SAMD12: variants seen among roughly 807,000 people sequenced by gnomAD.
SAMD12 encodes sterile alpha motif domain-containing protein 12.
SAMD12 carries 9 observed loss-of-function variants against 15.0 expected under a neutral mutation model. The ratio of observed to expected loss-of-function variants is 0.60; its 90% CI spans 0.36 to 1.05. The LOEUF (loss-of-function observed/expected upper bound fraction) is 1.05. Ranked by LOEUF, SAMD12 falls within the 50% of genes least tolerant of loss-of-function variation. The pLI, the probability that SAMD12 is intolerant of heterozygous loss-of-function variation, is 0.01. For missense variants in SAMD12, 230 were observed against 234.2 expected (o/e 0.98, Z 0.12); for synonymous variants, 86 against 90.1 (o/e 0.96, Z 0.25).
the SAMD12 span, among the ~76,000 whole-genome samples, chr8:118,154,827 T>A: frequency 6.6e-6 from 1 of 152,172 alleles, no homozygotes; most frequent in Admixed American, 6.5e-5. Flanking sequence ...TTGAGAGCAG[T>A]GACAGAAAAA....
At position 118,316,557 on chromosome 8, in the gene SAMD12, G is replaced by A. The variant is rs570160103; in HGVS notation, c.433+63003C>T. On this transcript the variant is annotated intron_variant, in intron 4 of 4. Transcript: ENST00000409003. ...CAAAACAAACAAACAAAAATTTGGA[G>A]CTTATGTTTAAGGAAGATTTATTTA... 5.3e-5 allele frequency among the ~76,000 whole-genome samples: 8 copies of A among 151,922 alleles called. No individual in the cohort carries two copies. In the South Asian group the frequency reaches 1.5e-3, roughly 28 times the overall value.
chr8:118,322,886 A>T (rs909051967), intron 4 of SAMD12, among the ~76,000 whole-genome samples: 13 of 139,274 alleles, frequency 9.3e-5, no homozygotes, highest in Non-Finnish European at 1.2e-4. Context: ...AAAAAAATTT[A>T]AAAATATTTG....
intron 2 of SAMD12, among the ~76,000 whole-genome samples, chr8:118,542,613 G>A (rs537863200): frequency 6.6e-6 from 1 of 152,100 alleles, no homozygotes; most frequent in Non-Finnish European, 1.5e-5. Context: ...AGAAACTAGA[G>A]AACAAGGAAA....
chr8:118,603,162 T>A (rs1586850092), intron 1 of SAMD12, among the ~76,000 whole-genome samples: 1 of 152,008 alleles, frequency 6.6e-6, no homozygotes, highest in Admixed American at 6.6e-5. Flanking sequence ...CAATTTATCA[T>A]CTCAAAAATA....
intron 4 of SAMD12, among the ~76,000 whole-genome samples, chr8:118,260,480 A>C (rs1813051594): frequency 6.6e-6 from 1 of 152,100 alleles, no homozygotes; most frequent in Non-Finnish European, 1.5e-5. Context: ...CATTGCACCA[A>C]GTATAGAGTA....
chr8:118,280,056 T>G (rs1813576097), intron 4 of SAMD12, among the ~76,000 whole-genome samples: 1 of 152,104 alleles, frequency 6.6e-6, no homozygotes. Context: ...CTGGCAATTG[T>G]GAGCTTTTGG....
At chr8:118,430,971 T>C (rs561426817) in intron 3 of SAMD12, among the ~76,000 whole-genome samples, 1 of 152,330 alleles carries the variant, frequency 6.6e-6, no homozygotes, top group East Asian at 1.9e-4. Context: ...CTTTTTTCTT[T>C]GACCTTTTCT....
At chr8:118,269,289 AT>A (rs1813288195) in intron 4 of SAMD12, among the ~76,000 whole-genome samples, 1 of 148,948 alleles carries the variant, frequency 6.7e-6, no homozygotes, top group South Asian at 2.1e-4. Context: ...AGAAGTGTGC[AT>A]TCGACCTGCT....
Position 118,464,933 on chromosome 8 carries a change from T to C in SAMD12, c.193-24972A>G, listed in dbSNP as rs142526268. Among the ~76,000 whole-genome samples, 224 of 152,314 alleles carry C rather than the reference T, an allele frequency of 1.5e-3. 1 individual carries two copies. The highest frequency in any genetic ancestry group is 5.1e-3 in the African/African-American group (213 of 41,574). On this transcript the variant is annotated intron_variant, in intron 2 of 3. Transcript: ENST00000314727. ...ACATAAATTAATAGATGCTATACTC[T>C]GCTGTGTTGTCTTCACTAAATGGTT... is the stretch of plus-strand genomic sequence containing the variant.
intron 1 of SAMD12, among the ~76,000 whole-genome samples, chr8:118,605,144 T>G (rs1424276962): frequency 6.6e-6 from 1 of 152,182 alleles, no homozygotes; most frequent in Non-Finnish European, 1.5e-5. Flanking sequence ...CTAAGTGTTT[T>G]CTAAGTCTCT....
chr8:118,487,065 C>G (rs1194359371), intron 2 of SAMD12, among the ~76,000 whole-genome samples: 1 of 152,048 alleles, frequency 6.6e-6, no homozygotes, highest in Non-Finnish European at 1.5e-5. Context: ...TTACCAGGGT[C>G]CAAGTAGGGC....
rs560632359 is a variant in SAMD12, at chr8:118,501,791, C to T, written c.193-61830G>A. Among the ~76,000 whole-genome samples, 23 of 152,178 alleles carry T rather than the reference C, an allele frequency of 1.5e-4. No homozygotes were observed. The South Asian group carries it at 3.9e-3, about 26-fold the overall frequency. On this transcript the variant is annotated intron_variant, in intron 2 of 3. Transcript: ENST00000314727. ...CAGCACTTTGGGAAGCCAAGGCAGG[C>T]GGATGACGAGGTCAGGAGATCGAGA...
At chr8:118,593,319 G>A (rs908322003) in intron 1 of SAMD12, among the ~76,000 whole-genome samples, 8 of 151,956 alleles carry the variant, frequency 5.3e-5, no homozygotes, top group Non-Finnish European at 2.9e-5. Flanking sequence ...ATAAGTATAC[G>A]AGTTGCTAAA....
intron 2 of SAMD12, among the ~76,000 whole-genome samples, chr8:118,464,747 A>G (rs1380834657): frequency 6.6e-6 from 1 of 152,038 alleles, no homozygotes; most frequent in East Asian, 1.9e-4. Flanking sequence ...AGACTAAAAT[A>G]TTTGGGCAAG....
intron 4 of SAMD12, among the ~76,000 whole-genome samples, chr8:118,271,878 GC>G (rs1343012315): frequency 2.0e-5 from 3 of 152,194 alleles, no homozygotes; most frequent in Non-Finnish European, 4.4e-5. Context: ...GTAGAGTACA[GC>G]CCCCCACTTC....
intron 2 of SAMD12, among the ~76,000 whole-genome samples, chr8:118,499,395 G>A (rs932514122): frequency 6.6e-6 from 1 of 152,140 alleles, no homozygotes; most frequent in African/African-American, 2.4e-5. Flanking sequence ...AAGAATAAGA[G>A]GAAGTGAAAA....
intron 3 of SAMD12, among the ~76,000 whole-genome samples, chr8:118,416,437 C>T (rs1563843660): frequency 6.6e-6 from 1 of 152,282 alleles, no homozygotes; most frequent in East Asian, 1.9e-4. Context: ...ATATCTCTAA[C>T]ATGCCCTAGA....
chr8:118,508,816 C>T (rs530350584), intron 2 of SAMD12, among the ~76,000 whole-genome samples: 104 of 152,242 alleles, frequency 6.8e-4, no homozygotes, highest in African/African-American at 2.4e-3. Context: ...AGGATGAATG[C>T]GTTTTCTCAA....
intron 4 of SAMD12, among the ~76,000 whole-genome samples, chr8:118,304,371 T>C (rs1815198274): frequency 1.3e-5 from 2 of 152,216 alleles, no homozygotes; most frequent in South Asian, 4.1e-4. Flanking sequence ...TCCCACTGTT[T>C]TGTCCATTAG....
Sources: gnomAD v4.1 joint callset for allele counts (sites outside exome capture counted in the v4.1 genomes callset) on GRCh38, gnomAD v4.1.1 for gene constraint, MANE v1.5 for transcripts, NCBI Gene and HGNC (gene_info 2026-07-23, HGNC 2026-07-21) for gene names.